KAZN: variants seen among roughly 807,000 people sequenced by gnomAD.
KAZN encodes the protein kazrin.
KAZN carries 40 observed loss-of-function variants against 87.4 expected under a neutral mutation model. The observed-to-expected ratio is 0.46, with a 90% CI of 0.36 to 0.60. KAZN has a LOEUF of 0.60. Among genes scored for constraint, KAZN ranks in the 20% least tolerant of loss-of-function variants. KAZN has a pLI of 0.00. For missense variants in KAZN, 898 were observed against 1,073.9 expected, an observed-to-expected ratio of 0.84 and a Z score of 2.29; for synonymous variants, 466 against 458.3, an observed-to-expected ratio of 1.02 and a Z score of -0.22.
Position 14,090,880 on chromosome 1 carries a change from G to A in KAZN, c.92-89555G>A, listed in dbSNP as rs183852602. On this transcript the variant is annotated intron_variant, in intron 1 of 16. Transcript: ENST00000636203. ...TGTAATCCCAGCACTTTGGGAGGCC[G>A]CGGTGGGTGGATCAAGAGGTCAGGT... 1.8e-3 allele frequency among the ~76,000 whole-genome samples: 271 copies of A among 152,144 alleles called. 1 individual carries two copies. Among genetic ancestry groups the A allele is most frequent in the Middle Eastern group, 6.8e-3 (2 of 294 alleles).
At chr1:14,572,020 G>T (rs952953872) in intron 2 of KAZN, among the ~76,000 whole-genome samples, 1 of 152,276 alleles carries the variant, frequency 6.6e-6, no homozygotes, top group East Asian at 1.9e-4. Flanking sequence ...ACAGGATCCA[G>T]CCAGTGCTAT....
chr1:13,945,493 A>G (rs1641104366), intron 1 of KAZN, among the ~76,000 whole-genome samples: 1 of 150,042 alleles, frequency 6.7e-6, no homozygotes, highest in Non-Finnish European at 1.5e-5. Context: ...AAAAAAAATT[A>G]GAATTGATCA....
At position 14,996,920 on chromosome 1, in the gene KAZN, G is replaced by A. The variant is rs1316257; in HGVS notation, c.418+36045G>A. 0.32 allele frequency among the ~76,000 whole-genome samples: 48,622 copies of A among 152,092 alleles called. 9,237 individuals are homozygous for A. The highest frequency in any genetic ancestry group is 0.53 in the African/African-American group (21,843 of 41,466). The stretch of plus-strand genomic sequence containing the variant: ...TCACCGCCCCAGGAAGCTTAGTCAC[G>A]TTGCCTTTTCTGTTCCTCAAATGCT... On this transcript the variant is annotated intron_variant, in intron 2 of 14. Transcript: ENST00000376030. The surrounding 1 kb of genome is among the most constrained non-coding windows in gnomAD (Gnocchi z 5.9).
Position 14,413,022 on chromosome 1 carries a change from G to T in KAZN, c.250-185961G>T, listed in dbSNP as rs1264212970. 2.0e-5 allele frequency among the ~76,000 whole-genome samples: 3 copies of T among 148,442 alleles called. No homozygotes were observed. In the East Asian group the frequency reaches 5.8e-4, roughly 29 times the overall value. On this transcript the variant is annotated intron_variant, in intron 2 of 16. Transcript: ENST00000636203. ...TATAAATATATATAATAAGTTATTT[G>T]TATTTATATATTACATAGGATTAAA...
At chr1:14,833,969 TCA>T (rs56000715) in intron 1 of KAZN, among the ~76,000 whole-genome samples, 36,957 of 141,560 alleles carry the variant, frequency 0.26, 4,501 homozygotes, top group Middle Eastern at 0.34. Flanking sequence ...CCCAAGTCAT[TCA>T]CACACACACA....
intron 1 of KAZN, among the ~76,000 whole-genome samples, chr1:14,049,979 G>A (rs886956342): frequency 6.6e-6 from 1 of 152,242 alleles, no homozygotes; most frequent in Non-Finnish European, 1.5e-5. Context: ...TGCCTGAGGA[G>A]TTAGCTAAGC....
intron 2 of KAZN, among the ~76,000 whole-genome samples, chr1:14,435,124 G>A (rs1418048264): frequency 1.3e-5 from 2 of 152,118 alleles, no homozygotes; most frequent in Non-Finnish European, 2.9e-5. Flanking sequence ...CTAGCCCTCT[G>A]CCCTGTCTGC....
chr1:14,425,089 G>T (rs1328827), intron 2 of KAZN, among the ~76,000 whole-genome samples: 67,098 of 152,070 alleles, frequency 0.44, 15,355 homozygotes, highest in African/African-American at 0.54. Context: ...TCAGTGGGAT[G>T]CAGAGAGGAG....
At chr1:14,653,712 C>G (rs927491693) in intron 1 of KAZN, among the ~76,000 whole-genome samples, 29 of 152,092 alleles carry the variant, frequency 1.9e-4, no homozygotes, top group Admixed American at 1.9e-3. Flanking sequence ...CAACATGGTG[C>G]CTGGGAGACA....
At chr1:14,744,648 A>G (rs1644211721) in intron 1 of KAZN, among the ~76,000 whole-genome samples, 1 of 152,164 alleles carries the variant, frequency 6.6e-6, no homozygotes, top group Non-Finnish European at 1.5e-5. Flanking sequence ...AGGCAGGAAG[A>G]TCACTTGAGC....
chr1:13,908,141 A>G (rs1639516416), intron 1 of KAZN, among the ~76,000 whole-genome samples: 1 of 152,234 alleles, frequency 6.6e-6, no homozygotes, highest in Admixed American at 6.5e-5. Context: ...GAATTCCTGG[A>G]CTTTGTTTCA....
At chr1:14,513,356 T>C (rs1484622134) in intron 2 of KAZN, among the ~76,000 whole-genome samples, 2 of 152,192 alleles carry the variant, frequency 1.3e-5, no homozygotes, top group Non-Finnish European at 2.9e-5. Flanking sequence ...ATCCCCATTC[T>C]TTTGTTGATA....
intron 6 of KAZN, 40 bp from the exon 7 acceptor site, chr1:15,063,532 G>C (rs796206291): frequency 2.5e-6 from 4 of 1,586,512 alleles, no homozygotes; most frequent in South Asian, 2.2e-5. Context: ...TGTGTCACCT[G>C]TCTCTGCTGT....
chr1:14,533,095 C>T (rs1430051963), intron 2 of KAZN, among the ~76,000 whole-genome samples: 1 of 152,182 alleles, frequency 6.6e-6, no homozygotes, highest in East Asian at 1.9e-4. Context: ...AATTCCTCTC[C>T]TTTCTCCAAA....
intron 2 of KAZN, among the ~76,000 whole-genome samples, chr1:14,253,212 T>C (rs1028599518): frequency 2.0e-5 from 3 of 152,166 alleles, no homozygotes; most frequent in Admixed American, 1.3e-4. Flanking sequence ...ACCATGGTTG[T>C]TGGTGAAGCA....
At chr1:14,563,659 C>T (rs1674378853) in intron 2 of KAZN, among the ~76,000 whole-genome samples, 1 of 152,070 alleles carries the variant, frequency 6.6e-6, no homozygotes, top group South Asian at 2.1e-4. Flanking sequence ...TTACCCTCAA[C>T]TCTCATCAGC....
Position 14,889,090 on chromosome 1 carries a change from C to T in KAZN, c.227-71594C>T, listed in dbSNP as rs574481497. Among the ~76,000 whole-genome samples, 8 of 152,324 alleles carry T rather than the reference C, an allele frequency of 5.3e-5. No individual in the cohort carries two copies. In the South Asian group the frequency reaches 6.2e-4, roughly 12 times the overall value. On this transcript the variant is annotated intron_variant, in intron 1 of 14. Transcript: ENST00000376030. ...TGTTGGGCTGCATTCAGAGCCATTC[C>T]GGGCCGCATGCAGCCTGCGGGCCAT...
intron 1 of KAZN, among the ~76,000 whole-genome samples, chr1:14,690,114 C>T (rs1357959928): frequency 6.6e-6 from 1 of 152,178 alleles, no homozygotes; most frequent in Non-Finnish European, 1.5e-5. Context: ...GGCTGCCCTC[C>T]ATGAACAAAT....
intron 1 of KAZN, among the ~76,000 whole-genome samples, chr1:13,990,415 G>A (rs1262170328): frequency 6.6e-6 from 1 of 152,122 alleles, no homozygotes; most frequent in Non-Finnish European, 1.5e-5. Context: ...AGTGAAAAAA[G>A]CCAGATGTAA....
Sources: allele counts gnomAD v4.1 joint callset (sites outside exome capture counted in the v4.1 genomes callset), GRCh38; gene constraint gnomAD v4.1.1; non-coding constraint Gnocchi (gnomAD v3.1); transcripts MANE v1.5; gene names NCBI Gene and HGNC (gene_info 2026-07-23, HGNC 2026-07-21).